The following PTDSS1 variants were observed in gnomAD, a reference collection of about 807,000 sequenced individuals.
PTDSS1 encodes phosphatidylserine synthase 1, also known as PSS-1.
PTDSS1 carries 45 observed loss-of-function variants against 70.5 expected under a neutral mutation model. The ratio of observed to expected loss-of-function variants is 0.64; its 90% CI spans 0.50 to 0.82. The LOEUF (loss-of-function observed/expected upper bound fraction) is 0.82. Among genes scored for constraint, PTDSS1 ranks in the 40% least tolerant of loss-of-function variants. The probability of loss-of-function intolerance (pLI) is 0.00; values close to 1 mark genes in which losing one functional copy is unlikely to be tolerated. For missense variants in PTDSS1, 417 were observed against 586.1 expected (o/e 0.71, Z 2.98); for synonymous variants, 188 against 203.8 (o/e 0.92, Z 0.66).
rs751716223 is a variant in PTDSS1 at position 96,304,067 on chromosome 8, C to A, written c.780C>A (p.Ile260=). 1.2e-6 allele frequency: 2 copies of A among 1,613,168 alleles called. No individual in the cohort carries two copies. The highest frequency in any genetic ancestry group is 2.7e-5 in the African/African-American group (2 of 74,812). ...ACATTCATACCACCACCGGGAAGAT[C>A]AAGAGAGCTGTTCTGCAGTTCACTC... ...FKDIHTTTGK[I]KRAVLQFTPA... The change falls in exon 7 of 13, where the codon ATC becomes ATA. Residue 260 remains isoleucine, a synonymous_variant. Transcript: ENST00000517309.
intron 7 of PTDSS1, 113 bp from the exon 8 acceptor site, chr8:96,306,329 CTG>C (rs1811123675): frequency 1.3e-6 from 1 of 784,370 alleles, no homozygotes. Flanking sequence ...CATCTATTCT[CTG>C]AAAATGCTTT....
Position 96,299,812 on chromosome 8 carries a change from TA to T in PTDSS1, c.720del (p.Glu241ArgfsTer2). On this transcript the variant is annotated frameshift_variant, in exon 6 of 13. Coordinates refer to ENST00000517309, the MANE Select transcript of PTDSS1 (RefSeq NM_014754.3). LOFTEE classifies it high-confidence loss of function. ...CTGGGCATGGTCGTTTGCCGGTTTT[TA>T]GAGATGAGGACTTACCACTGGGCAA... is the stretch of plus-strand genomic sequence containing the variant. ...IWLGMVVCRF[L>X]EMRTYHWASF... is the part of the protein sequence containing the mutation. 6.2e-7 allele frequency: 1 copy of T among 1,614,150 alleles called. No individual in the cohort carries two copies. Among genetic ancestry groups the T allele is most frequent in the South Asian group, 1.1e-5 (1 of 91,084 alleles).
chr8:96,276,986 A>G (rs905365496), intron 2 of PTDSS1, among the ~76,000 whole-genome samples: 19 of 149,092 alleles, frequency 1.3e-4, no homozygotes, highest in East Asian at 9.9e-4. Flanking sequence ...GCGCGCACAC[A>G]CACACACACA....
chr8:96,318,645 G>T (rs1421006463), intron 9 of PTDSS1, among the ~76,000 whole-genome samples: 2 of 152,186 alleles, frequency 1.3e-5, no homozygotes, highest in Non-Finnish European at 2.9e-5. Context: ...CATGCTTTGT[G>T]GAGCAGTGCT....
intron 9 of PTDSS1, among the ~76,000 whole-genome samples, chr8:96,316,838 CA>C (rs1185780937): frequency 2.0e-5 from 3 of 151,876 alleles, no homozygotes; most frequent in Non-Finnish European, 4.4e-5. Context: ...ACTAAAAATA[CA>C]AAAAATTAGC....
chr8:96,318,523 A>C (rs7824518), intron 9 of PTDSS1, among the ~76,000 whole-genome samples: 71,467 of 152,004 alleles, frequency 0.47, 17,460 homozygotes, highest in African/African-American at 0.52. Context: ...CACAGGCTGG[A>C]ATACCAAACA....
At chr8:96,322,733 T>C (rs1483417304) in intron 10 of PTDSS1, among the ~76,000 whole-genome samples, 1 of 152,210 alleles carries the variant, frequency 6.6e-6, no homozygotes, top group African/African-American at 2.4e-5. Flanking sequence ...AAGTCTTCAC[T>C]TGGCCCAGCA....
intron 1 of PTDSS1, among the ~76,000 whole-genome samples, chr8:96,271,989 A>G (rs1001265243): frequency 6.6e-6 from 1 of 151,964 alleles, no homozygotes; most frequent in African/African-American, 2.4e-5. Context: ...TGCTTTGCCC[A>G]TTTTTCTATT....
chr8:96,316,720 G>A (rs76157273), intron 9 of PTDSS1, among the ~76,000 whole-genome samples: 5,320 of 152,184 alleles, frequency 0.035, 311 homozygotes, highest in African/African-American at 0.12. Flanking sequence ...CTGGCCAGGC[G>A]AAGTGGCTCA....
intron 4 of PTDSS1, among the ~76,000 whole-genome samples, chr8:96,292,365 C>A (rs1810919834): frequency 1.3e-5 from 2 of 150,944 alleles, no homozygotes; most frequent in Non-Finnish European, 2.9e-5. Context: ...GAAATAGTCA[C>A]CCTAATTCTC....
At chr8:96,326,230 G>A in intron 10 of PTDSS1, among the ~76,000 whole-genome samples, 1 of 152,142 alleles carries the variant, frequency 6.6e-6, no homozygotes, top group African/African-American at 2.4e-5. Flanking sequence ...TGATGAAACT[G>A]ATACCCCAAA....
At chr8:96,275,069 G>A (rs963309295) in intron 2 of PTDSS1, among the ~76,000 whole-genome samples, 4 of 152,102 alleles carry the variant, frequency 2.6e-5, no homozygotes, top group Non-Finnish European at 5.9e-5. Flanking sequence ...CAATTATCAC[G>A]GTATGAAGAC....
Position 96,299,700 on chromosome 8 carries a change from T to G in PTDSS1, c.607T>G (p.Phe203Val). Residue 203 changes from phenylalanine to valine, a missense_variant, in exon 6 of 13, where the codon TTC (phenylalanine) becomes GTC (valine). Phe to Val is a conservative substitution (Grantham distance 50). Transcript: ENST00000517309. ...SITWELTELF[F>V]MHLLPNFAEC... ...GGGCTCTTGTGTTTCTCAGCTCTTC[T>G]TCATGCATCTCCTCCCCAATTTTGC... is the stretch of plus-strand genomic sequence containing the variant. 6.2e-7 allele frequency: 1 copy of G among 1,610,040 alleles called. No homozygotes were observed. Among genetic ancestry groups the G allele is most frequent in the African/African-American group, 1.3e-5 (1 of 74,744 alleles).
chr8:96,274,180 G>T (rs1810607485), intron 2 of PTDSS1, among the ~76,000 whole-genome samples: 2 of 149,368 alleles, frequency 1.3e-5, no homozygotes, highest in African/African-American at 2.5e-5. Flanking sequence ...TTTGGAAATT[G>T]TTCCAGTCTT....
At chr8:96,281,934 C>T (rs894988458) in intron 2 of PTDSS1, among the ~76,000 whole-genome samples, 3 of 152,166 alleles carry the variant, frequency 2.0e-5, no homozygotes, top group African/African-American at 7.2e-5. Flanking sequence ...GTGGGGGTGT[C>T]TCATTCCACA....
At chr8:96,287,230 G>C (rs1023557708) in intron 4 of PTDSS1, 84 bp downstream of exon 4, 19 of 1,521,880 alleles carry the variant, frequency 1.2e-5, no homozygotes, top group Non-Finnish European at 1.5e-5. Context: ...ATTTTAAATT[G>C]TTCCTTCTCT....
intron 10 of PTDSS1, among the ~76,000 whole-genome samples, chr8:96,323,493 G>T (rs1002846451): frequency 2.0e-5 from 3 of 152,200 alleles, no homozygotes; most frequent in Admixed American, 6.5e-5. Context: ...ATGGGTTATA[G>T]CTTATCCCTC....
chr8:96,289,974 G>C (rs1810878532), intron 4 of PTDSS1, among the ~76,000 whole-genome samples: 1 of 152,058 alleles, frequency 6.6e-6, no homozygotes, highest in African/African-American at 2.4e-5. Context: ...ATGAGAATAA[G>C]GGCAGTTATT....
At chr8:96,264,460 G>A (rs749587047) in intron 1 of PTDSS1, among the ~76,000 whole-genome samples, 8 of 152,242 alleles carry the variant, frequency 5.3e-5, no homozygotes, top group Middle Eastern at 3.4e-3. Flanking sequence ...AAGGATAAAA[G>A]CACTGGAAAA....
Sources: gnomAD v4.1 joint callset for allele counts (sites outside exome capture counted in the v4.1 genomes callset) on GRCh38, gnomAD v4.1.1 for gene constraint, MANE v1.5 for transcripts, NCBI Gene and HGNC (gene_info 2026-07-23, HGNC 2026-07-21) for gene names.